ZBED6: variants seen among roughly 807,000 people sequenced by gnomAD.
The protein encoded by ZBED6 is zinc finger BED-type containing 6.
ZBED6 carries 40 observed loss-of-function variants against 58.4 expected under a neutral mutation model. That is an observed-to-expected ratio of 0.68 (90% CI 0.53 to 0.89). ZBED6 has a LOEUF of 0.89. Ranked by LOEUF, ZBED6 falls within the 40% of genes least tolerant of loss-of-function variation. The pLI, the probability that ZBED6 is intolerant of heterozygous loss-of-function variation, is 0.00. For missense variants in ZBED6, 1,057 were observed against 1,003.9 expected (o/e 1.05, Z -0.71); for synonymous variants, 439 against 350.6 (o/e 1.25, Z -2.82).
At chr1:203,817,719 TA>T (rs1177121839) in intron 2 of ZBED6, among the ~76,000 whole-genome samples, 2 of 152,012 alleles carry the variant, frequency 1.3e-5, no homozygotes, top group Non-Finnish European at 2.9e-5. Flanking sequence ...ACGTATATGT[TA>T]AAAAAATTTG....
In ZBED6 at chr1:203,799,850, C is replaced by T. The variant is rs1184225745; in HGVS notation, c.2328C>T (p.Asn776=). The change falls in exon 1 of 17, where the codon AAC becomes AAT. Residue 776 remains asparagine (N), a synonymous_variant. Transcript: ENST00000550078. ...CTTTGTTAGATCCTTGCTTTAAAAACAGTTTGGAAGACTTTTTTCCTCAAG... is the reference window on the plus strand; with the variant it reads ...CTTTGTTAGATCCTTGCTTTAAAAATAGTTTGGAAGACTTTTTTCCTCAAG... 2.6e-6 allele frequency: 4 copies of T among 1,528,708 alleles called. No individual in the cohort carries two copies. In the Admixed American group the frequency reaches 5.9e-5, roughly 22 times the overall value. The allele number at this position is 1,528,708 out of a possible 1,614,324, so 94.7% of individuals were successfully genotyped here. A position where few individuals can be genotyped will look rare whatever the true frequency, so the allele number is the denominator to read the frequency against.
chr1:203,829,698 C>T (rs1475991980), intron 5 of ZBED6, 44 bp downstream of exon 5: 1 of 1,612,156 alleles, frequency 6.2e-7, no homozygotes, highest in African/African-American at 1.3e-5. Context: ...TAAATAGGGT[C>T]TCATAGTGAA....
intron 3 of ZBED6, among the ~76,000 whole-genome samples, chr1:203,824,779 T>C (rs140854848): frequency 3.5e-3 from 533 of 152,162 alleles, no homozygotes; most frequent in Non-Finnish European, 6.3e-3. Flanking sequence ...ATGTGTCTTA[T>C]AGAGAAAATA....
chr1:203,819,302 A>G (rs1364176012), intron 3 of ZBED6, among the ~76,000 whole-genome samples: 2 of 148,078 alleles, frequency 1.4e-5, no homozygotes, highest in Admixed American at 6.8e-5. Flanking sequence ...GCTTACTGCA[A>G]CCTCCACCTC....
chr1:203,799,019 T>G (rs1467901093), exon 1 of ZBED6: 2 of 1,536,046 alleles, frequency 1.3e-6, no homozygotes, highest in East Asian at 2.4e-5. Context: ...TTATTGTGAC[T>G]GTACACTGGG....
chr1:203,803,246 C>T (rs1671070252), intron 1 of ZBED6, among the ~76,000 whole-genome samples: 1 of 152,062 alleles, frequency 6.6e-6, no homozygotes, highest in South Asian at 2.1e-4. Flanking sequence ...GGCTGGAGTG[C>T]AATGGTGCCA....
exon 11 of ZBED6, chr1:203,840,350 G>A: frequency 6.2e-7 from 1 of 1,613,204 alleles, no homozygotes; most frequent in East Asian, 2.2e-5. Context: ...CATGTCAGCT[G>A]ATCCAGATAA....
chr1:203,835,160 C>G (rs1683873257), intron 9 of ZBED6, among the ~76,000 whole-genome samples: 1 of 152,180 alleles, frequency 6.6e-6, no homozygotes, highest in Admixed American at 6.5e-5. Flanking sequence ...GCACTTTACG[C>G]TCTAAGTAAT....
At chr1:203,848,988 G>A (rs529632235) in intron 13 of ZBED6, among the ~76,000 whole-genome samples, 6 of 152,242 alleles carry the variant, frequency 3.9e-5, no homozygotes, top group African/African-American at 1.4e-4. Flanking sequence ...GGGTTCAAGC[G>A]ATTCTTGTGC....
At chr1:203,823,971 TA>T (rs71281154) in intron 3 of ZBED6, among the ~76,000 whole-genome samples, 1 of 151,800 alleles carries the variant, frequency 6.6e-6, no homozygotes, top group Non-Finnish European at 1.5e-5. Context: ...CAAGGTGGGT[TA>T]AAAAAGGAGA....
rs764665444 is a variant in ZBED6, at chr1:203,833,857, A to G, written c.*3573+4A>G. The G allele has an allele frequency of 1.9e-6, 3 of 1,608,182 alleles. No individual in the cohort carries two copies. The highest frequency in any genetic ancestry group is 8.5e-7 in the Non-Finnish European group (1 of 1,177,424). On this transcript the variant is annotated splice_donor_region_variant and intron_variant, in intron 9 of 16. Transcript: ENST00000550078. ...GGGAAACGAAAATTTTCAGCAGGTA[A>G]GATAAGTTTTGTGTATATCTTTTCT...
chr1:203,820,891 A>G (rs897213216), intron 3 of ZBED6, among the ~76,000 whole-genome samples: 1 of 152,148 alleles, frequency 6.6e-6, no homozygotes, highest in Non-Finnish European at 1.5e-5. Context: ...GCTTCATTAT[A>G]AAGGCTTTCT....
chr1:203,825,700 C>T (rs1382996366), intron 3 of ZBED6, among the ~76,000 whole-genome samples: 2 of 152,100 alleles, frequency 1.3e-5, no homozygotes, highest in Admixed American at 6.5e-5. Flanking sequence ...GTTGAGATTA[C>T]AGGCGTGAGC....
At chr1:203,834,864 G>A (rs187881579) in intron 9 of ZBED6, among the ~76,000 whole-genome samples, 160 of 152,224 alleles carry the variant, frequency 1.1e-3, no homozygotes, top group Non-Finnish European at 1.8e-3. Flanking sequence ...GGCTGGTCTC[G>A]AACTCCTGCC....
rs371661431 is a variant in ZBED6, at chr1:203,800,017, C to G, written c.2495C>G (p.Ser832Cys). Reference sequence around the variant, plus strand: ...GTGGGAGCTGATTCATTTACCTCATCTCTAAAAGAAGGCACCTCCAGTTCA... The same window carrying G: ...GTGGGAGCTGATTCATTTACCTCATGTCTAAAAGAAGGCACCTCCAGTTCA... The change falls in exon 1 of 17, where the codon TCT (serine) becomes TGT (cysteine). Residue 832 changes from serine (S) to cysteine (C), a missense_variant. Transcript: ENST00000550078. 898 of 1,536,144 alleles carry G rather than the reference C, an allele frequency of 5.8e-4. 13 individuals carry two copies. In the South Asian group the frequency reaches 0.01, roughly 17 times the overall value.
intron 9 of ZBED6, among the ~76,000 whole-genome samples, chr1:203,834,419 A>G (rs746044550): frequency 6.0e-5 from 9 of 150,180 alleles, no homozygotes; most frequent in Admixed American, 2.7e-4. Flanking sequence ...CCATAGGCCT[A>G]CACCACCATA....
chr1:203,825,394 A>G (rs1162564704), intron 3 of ZBED6, among the ~76,000 whole-genome samples: 1 of 151,184 alleles, frequency 6.6e-6, no homozygotes, highest in East Asian at 1.9e-4. Flanking sequence ...AAATGTGAAG[A>G]CATAATTATG....
intron 3 of ZBED6, among the ~76,000 whole-genome samples, chr1:203,820,667 A>G (rs547276132): frequency 6.6e-6 from 1 of 152,056 alleles, no homozygotes; most frequent in South Asian, 2.1e-4. Flanking sequence ...TTTAGTAGAC[A>G]CGAGGTTTCG....
chr1:203,812,560 G>A (rs547843993), intron 1 of ZBED6, among the ~76,000 whole-genome samples: 90 of 145,340 alleles, frequency 6.2e-4, no homozygotes, highest in Middle Eastern at 3.6e-3. Flanking sequence ...TCAGTATTTT[G>A]GATTTTAGCC....
Sources: allele counts gnomAD v4.1 joint callset (sites outside exome capture counted in the v4.1 genomes callset), GRCh38; gene constraint gnomAD v4.1.1; transcripts MANE v1.5; gene names NCBI Gene and HGNC (gene_info 2026-07-23, HGNC 2026-07-21).